The following ZFHX3 variants were observed in gnomAD, a reference collection of about 807,000 sequenced individuals.
The protein encoded by ZFHX3 is zinc finger homeobox 3.
ZFHX3 carries 42 observed loss-of-function variants against 279.1 expected under a neutral mutation model. The ratio of observed to expected loss-of-function variants is 0.15; its 90% CI spans 0.12 to 0.19. The LOEUF (loss-of-function observed/expected upper bound fraction) is 0.19, where lower values mean the gene tolerates loss of function less well. Among genes scored for constraint, ZFHX3 ranks in the 10% least tolerant of loss-of-function variants. The pLI is 1.00. For synonymous variants in ZFHX3, 2,293 were observed against 1,957.8 expected (o/e 1.17, Z -4.52); for missense variants, 4,981 against 4,754.0 (o/e 1.05, Z -1.40).
chr16:73,078,764 C>T (rs1002211156), intron 8 of ZFHX3, among the ~76,000 whole-genome samples: 4 of 151,974 alleles, frequency 2.6e-5, no homozygotes, highest in African/African-American at 7.2e-5. Context: ...CCTGCCTTAG[C>T]GTCCCGAGTA....
chr16:73,494,625 A>ATC (rs924385749), intron 2 of ZFHX3, among the ~76,000 whole-genome samples: 1 of 150,960 alleles, frequency 6.6e-6, no homozygotes, highest in Admixed American at 6.6e-5. Context: ...CAATGGTGTG[A>ATC]TCTCGGCTCA....
intron 3 of ZFHX3, chr16:73,421,236 GCTTTCA>G (rs2017712565): frequency 1.3e-5 from 2 of 152,166 alleles, no homozygotes; most frequent in African/African-American, 4.8e-5. Flanking sequence ...AAAAAATGCA[GCTTTCA>G]CGGGGCACTG....
intron 1 of ZFHX3, among the ~76,000 whole-genome samples, chr16:73,713,740 T>C (rs1014287965): frequency 6.6e-6 from 1 of 152,096 alleles, no homozygotes; most frequent in Non-Finnish European, 1.5e-5. Context: ...AGGCTGTGAC[T>C]CAATCCATAT....
intron 2 of ZFHX3, among the ~76,000 whole-genome samples, chr16:73,505,284 G>C (rs2019306627): frequency 6.6e-6 from 1 of 152,154 alleles, no homozygotes; most frequent in African/African-American, 2.4e-5. Context: ...CCACCTGATA[G>C]TGGAGATAAA....
chr16:72,873,489 G>A (rs2038218335), intron 4 of ZFHX3, among the ~76,000 whole-genome samples: 2 of 152,058 alleles, frequency 1.3e-5, no homozygotes, highest in African/African-American at 4.8e-5. Flanking sequence ...TGATGAATCC[G>A]TACCACCTCA....
chr16:73,526,425 G>A (rs929364180), intron 2 of ZFHX3, among the ~76,000 whole-genome samples: 11 of 152,114 alleles, frequency 7.2e-5, no homozygotes, highest in Non-Finnish European at 1.3e-4. Flanking sequence ...CCCCCACCCT[G>A]TTCACCCCAC....
Position 73,642,285 on chromosome 16 carries a change from G to A in ZFHX3, c.-1547+37895C>T, listed in dbSNP as rs559050247. Among the ~76,000 whole-genome samples the A allele has an allele frequency of 4.6e-5, 7 of 152,302 alleles. No homozygotes were observed. In the South Asian group the frequency reaches 6.2e-4, roughly 14 times the overall value. On this transcript the variant is annotated intron_variant, in intron 2 of 17. Coordinates refer to the ZFHX3 transcript ENST00000641206. ...AAGTCTTTGAGAGGATACAGATGGA[G>A]CCTCTCCTCTGCAGTCTTTCTGGTT...
At chr16:73,823,662 G>A (rs569928198) in intron 1 of ZFHX3, among the ~76,000 whole-genome samples, 1 of 152,268 alleles carries the variant, frequency 6.6e-6, no homozygotes, top group South Asian at 2.1e-4. Flanking sequence ...CGCTACAATG[G>A]CAGAATGGAG....
chr16:73,385,250 C>A (rs1447122210), intron 3 of ZFHX3, among the ~76,000 whole-genome samples: 3 of 152,040 alleles, frequency 2.0e-5, no homozygotes, highest in African/African-American at 7.2e-5. Flanking sequence ...ATTTAGAGTT[C>A]CAATTTTTGT....
At chr16:73,448,685 C>CGTGT (rs71156167) in intron 3 of ZFHX3, among the ~76,000 whole-genome samples, 11,639 of 141,736 alleles carry the variant, frequency 0.082, 584 homozygotes, top group African/African-American at 0.13. Context: ...TATTTATATA[C>CGTGT]GTGTGTGTGT....
At chr16:73,809,326 A>T (rs1331504252) in intron 1 of ZFHX3, 1 of 152,202 alleles carries the variant, frequency 6.6e-6, no homozygotes, top group Non-Finnish European at 1.5e-5. Flanking sequence ...CTGAAACGGC[A>T]ATGAAAATGC....
chr16:73,352,963 T>C (rs568568409), intron 3 of ZFHX3, among the ~76,000 whole-genome samples: 94 of 152,214 alleles, frequency 6.2e-4, no homozygotes, highest in African/African-American at 2.1e-3. Flanking sequence ...AGAAGCCTCA[T>C]GGTCCAGGGG....
chr16:73,317,685 C>A (rs1439130966), intron 4 of ZFHX3, among the ~76,000 whole-genome samples: 6 of 152,142 alleles, frequency 3.9e-5, no homozygotes, highest in African/African-American at 1.4e-4. Flanking sequence ...CCCAGATGAG[C>A]CCTAAGGAGA....
intron 8 of ZFHX3, among the ~76,000 whole-genome samples, chr16:73,073,538 G>T (rs532515974): frequency 6.6e-6 from 1 of 152,240 alleles, no homozygotes; most frequent in Admixed American, 6.5e-5. Flanking sequence ...TCACTCTTTT[G>T]CCCAGGTTGG....
intron 2 of ZFHX3, among the ~76,000 whole-genome samples, chr16:73,651,500 A>G: frequency 6.6e-6 from 1 of 151,940 alleles, no homozygotes; most frequent in African/African-American, 2.4e-5. Flanking sequence ...AAACTACAGA[A>G]TACTAAAGAC....
At chr16:73,709,492 C>T (rs1378722483) in intron 1 of ZFHX3, among the ~76,000 whole-genome samples, 1 of 151,870 alleles carries the variant, frequency 6.6e-6, no homozygotes, top group African/African-American at 2.4e-5. Flanking sequence ...CGTGGATGAA[C>T]CTGGAGGGTA....
At chr16:73,269,352 G>A (rs1290403474) in intron 4 of ZFHX3, among the ~76,000 whole-genome samples, 2 of 152,106 alleles carry the variant, frequency 1.3e-5, no homozygotes, top group Non-Finnish European at 2.9e-5. Flanking sequence ...TCCAGCCCAG[G>A]AATCTACTGA....
chr16:73,885,371 T>C (rs2030312206), intron 1 of ZFHX3, among the ~76,000 whole-genome samples: 1 of 152,190 alleles, frequency 6.6e-6, no homozygotes, highest in South Asian at 2.1e-4. Flanking sequence ...ATTATTCAAA[T>C]ATAAAATTAA....
intron 1 of ZFHX3, among the ~76,000 whole-genome samples, chr16:73,866,262 C>T (rs2142395332): frequency 6.9e-6 from 1 of 144,252 alleles, no homozygotes. Flanking sequence ...TCATTGCAAC[C>T]TCCGTCTCCC....
Sources: allele counts gnomAD v4.1 joint callset (sites outside exome capture counted in the v4.1 genomes callset), GRCh38; gene constraint gnomAD v4.1.1; transcripts MANE v1.5; gene names NCBI Gene and HGNC (gene_info 2026-07-23, HGNC 2026-07-21).